PLXNA2: variants seen among roughly 807,000 people sequenced by gnomAD.
PLXNA2 encodes the protein plexin A2, also known as plexin-A2.
In PLXNA2, 91 loss-of-function variants were observed where a neutral mutation model predicts 193.5. The ratio of observed to expected loss-of-function variants is 0.47; its 90% confidence interval spans 0.40 to 0.56. The LOEUF is 0.56. Ranked by LOEUF, PLXNA2 falls within the 20% of genes least tolerant of loss-of-function variation. The pLI, the probability that PLXNA2 is intolerant of heterozygous loss-of-function variation, is 0.00. For synonymous variants in PLXNA2, 997 were observed against 1,027.3 expected (o/e 0.97, Z 0.56); for missense variants, 1,995 against 2,503.2 (o/e 0.80, Z 4.33).
intron 3 of PLXNA2, among the ~76,000 whole-genome samples, chr1:208,182,788 G>C (rs1669885495): frequency 6.6e-6 from 1 of 152,048 alleles, no homozygotes; most frequent in African/African-American, 2.4e-5. Context: ...CTGGGTTCTA[G>C]CCCATTCCTA....
chr1:208,148,282 T>C (rs1375595693), intron 3 of PLXNA2, among the ~76,000 whole-genome samples: 6 of 138,250 alleles, frequency 4.3e-5, no homozygotes, highest in Non-Finnish European at 9.3e-5. Flanking sequence ...ATAGTATATA[T>C]AGGTTTTCTG....
intron 9 of PLXNA2, among the ~76,000 whole-genome samples, chr1:208,088,617 G>T (rs963315461): frequency 6.6e-6 from 1 of 152,200 alleles, no homozygotes; most frequent in Non-Finnish European, 1.5e-5. Flanking sequence ...GATTTGGGGG[G>T]CCCCCATCAG....
intron 3 of PLXNA2, among the ~76,000 whole-genome samples, chr1:208,149,185 T>C (rs1392301975): frequency 2.6e-5 from 4 of 152,002 alleles, no homozygotes; most frequent in Non-Finnish European, 5.9e-5. Context: ...TGTGTGTACA[T>C]ATGTGGTGTG....
chr1:208,040,934 C>A (rs183774341), intron 22 of PLXNA2, among the ~76,000 whole-genome samples: 2 of 152,116 alleles, frequency 1.3e-5, no homozygotes, highest in Non-Finnish European at 2.9e-5. Context: ...AAGGGGATGC[C>A]GGAGGGGTAT....
At chr1:208,118,308 G>C (rs769651013) in intron 4 of PLXNA2, among the ~76,000 whole-genome samples, 2 of 152,218 alleles carry the variant, frequency 1.3e-5, no homozygotes. Context: ...CTTCCAGGGA[G>C]TGAATAGGTC....
At chr1:208,135,668 G>C (rs1668279665) in intron 4 of PLXNA2, among the ~76,000 whole-genome samples, 1 of 152,184 alleles carries the variant, frequency 6.6e-6, no homozygotes, top group Admixed American at 6.5e-5. Flanking sequence ...GGCGTTGGGT[G>C]TTGCACAATG....
chr1:208,037,355 G>A (rs934978031), intron 26 of PLXNA2, among the ~76,000 whole-genome samples: 2 of 152,080 alleles, frequency 1.3e-5, no homozygotes, highest in African/African-American at 4.8e-5. Flanking sequence ...GCATTTTTGG[G>A]GACCCCTGTG....
rs1017136328 is a variant in PLXNA2 at position 208,239,925 on chromosome 1, A to T, written c.-81+3718T>A. On this transcript the variant is annotated intron_variant, in intron 1 of 31. Coordinates refer to ENST00000367033, the MANE Select transcript of PLXNA2 (RefSeq NM_025179.4). ...GGCTGTGGCAGGACAGTGGAGACACAGCAAATGTTAAGCTGGGGTGAAGGG... is the reference window on the plus strand; with the variant it reads ...GGCTGTGGCAGGACAGTGGAGACACTGCAAATGTTAAGCTGGGGTGAAGGG... 2.6e-5 allele frequency among the ~76,000 whole-genome samples: 4 copies of T among 152,178 alleles called. No individual in the cohort carries two copies. In the East Asian group the frequency reaches 7.7e-4, roughly 29 times the overall value.
At chr1:208,187,784 G>A (rs1035196808) in intron 3 of PLXNA2, among the ~76,000 whole-genome samples, 4 of 152,192 alleles carry the variant, frequency 2.6e-5, no homozygotes, top group Non-Finnish European at 5.9e-5. Flanking sequence ...CAGGTGTTAG[G>A]TTCTTTCTGA....
intron 3 of PLXNA2, among the ~76,000 whole-genome samples, chr1:208,184,769 C>T (rs932520621): frequency 2.0e-5 from 3 of 152,056 alleles, no homozygotes; most frequent in Non-Finnish European, 2.9e-5. Flanking sequence ...ACACACACGC[C>T]TCATGCAGTT....
At chr1:208,084,214 T>C (rs1250637701) in intron 10 of PLXNA2, among the ~76,000 whole-genome samples, 166 bp downstream of exon 10, 1 of 152,272 alleles carries the variant, frequency 6.6e-6, no homozygotes, top group Non-Finnish European at 1.5e-5. Context: ...CCTGCCCTGC[T>C]CTGGCTGAGC....
chr1:208,027,757 C>A (rs926625151), intron 31 of PLXNA2, among the ~76,000 whole-genome samples: 2 of 152,178 alleles, frequency 1.3e-5, no homozygotes, highest in African/African-American at 4.8e-5. Context: ...ATTAATTATA[C>A]CATACTTTGA....
At chr1:208,105,993 T>C (rs964793389) in intron 4 of PLXNA2, among the ~76,000 whole-genome samples, 29 of 151,814 alleles carry the variant, frequency 1.9e-4, no homozygotes, top group African/African-American at 6.8e-4. Flanking sequence ...GCCACGGAGA[T>C]AGTGAAACCC....
At chr1:208,152,683 GCACACACACACACACA>G (rs56051287) in intron 3 of PLXNA2, among the ~76,000 whole-genome samples, 3 of 140,262 alleles carry the variant, frequency 2.1e-5, no homozygotes, top group African/African-American at 8.2e-5. Flanking sequence ...ACACACACAC[GCACACACACACACACA>G]CACACACACA....
intron 4 of PLXNA2, among the ~76,000 whole-genome samples, chr1:208,134,634 T>G (rs1347207512): frequency 2.6e-5 from 4 of 151,872 alleles, no homozygotes; most frequent in Non-Finnish European, 5.9e-5. Flanking sequence ...CCCCTCACAT[T>G]CCCTCCTCCC....
At position 208,151,195 on chromosome 1, in the gene PLXNA2, G is replaced by A. The variant is rs2102497584; in HGVS notation, c.1372-8732C>T. Among the ~76,000 whole-genome samples the A allele has an allele frequency of 1.3e-5, 2 of 152,334 alleles. 1 individual carries two copies. Among genetic ancestry groups the A allele is most frequent in the South Asian group, 4.1e-4 (2 of 4,828 alleles). Reference sequence around the variant, plus strand: ...ACATGGAGCACACAGAGTTGGGGGTGTGTAGCTGGAGGGGTGGTAGGAGGA... The same window carrying A: ...ACATGGAGCACACAGAGTTGGGGGTATGTAGCTGGAGGGGTGGTAGGAGGA... On this transcript the variant is annotated intron_variant, in intron 3 of 31. Transcript: ENST00000367033.
At chr1:208,127,271 A>C (rs1318382639) in intron 4 of PLXNA2, among the ~76,000 whole-genome samples, 2 of 10,666 alleles carry the variant, frequency 1.9e-4, no homozygotes, top group Non-Finnish European at 2.3e-3. Context: ...ATATGTGTGC[A>C]TGTACACACA....
chr1:208,027,077 G>A lies in PLXNA2; in HGVS notation c.*166C>T, dbSNP rs111651146. 33 of 600,740 alleles carry A rather than the reference G, an allele frequency of 5.5e-5. No homozygotes were observed. The highest frequency in any genetic ancestry group is 3.8e-4 in the South Asian group (18 of 47,334). 37.2% of individuals were successfully genotyped at this position (600,740 alleles called of 1,614,324 possible). ...TCTCCCAGCTGGAACTGGCTATGAC[G>A]AAACTTGGCTGGCGTAGGGAGAGGA... On this transcript the variant is annotated 3_prime_UTR_variant, in exon 32 of 32. Transcript: ENST00000367033.
chr1:208,121,875 A>C (rs1667816737), intron 4 of PLXNA2, among the ~76,000 whole-genome samples: 1 of 152,116 alleles, frequency 6.6e-6, no homozygotes, highest in South Asian at 2.1e-4. Context: ...ACACCAATAC[A>C]GTGACACCAT....
Sources: gnomAD v4.1 joint callset for allele counts (sites outside exome capture counted in the v4.1 genomes callset) on GRCh38, gnomAD v4.1.1 for gene constraint, MANE v1.5 for transcripts, NCBI Gene and HGNC (gene_info 2026-07-23, HGNC 2026-07-21) for gene names.